The following WDR49 variants were observed in gnomAD, a reference collection of about 807,000 sequenced individuals.
WDR49 encodes the protein cilia- and flagella-associated protein 337.
In WDR49, 107 loss-of-function variants were observed where a neutral mutation model predicts 119.5. The ratio of observed to expected loss-of-function variants is 0.90; its 90% CI spans 0.77 to 1.05. WDR49 has a LOEUF of 1.05. Among genes scored for constraint, WDR49 ranks in the 50% least tolerant of loss-of-function variants. The pLI is 0.00. For synonymous variants in WDR49, 425 were observed against 418.8 expected, an observed-to-expected ratio of 1.01 and a Z score of -0.18; for missense variants, 1,240 against 1,220.5, an observed-to-expected ratio of 1.02 and a Z score of -0.24.
chr3:167,642,552 T>G (rs1717930780), intron 2 of WDR49, among the ~76,000 whole-genome samples: 2 of 151,966 alleles, frequency 1.3e-5, no homozygotes, highest in South Asian at 4.1e-4. Flanking sequence ...TTTAAAAATA[T>G]GTATAGATCA....
upstream of WDR49, among the ~76,000 whole-genome samples, chr3:167,656,181 T>C (rs888670113): frequency 4.6e-5 from 7 of 152,170 alleles, no homozygotes; most frequent in Admixed American, 6.5e-5. Flanking sequence ...AACGGGGGTG[T>C]ATTTACCAGA....
intron 8 of WDR49, among the ~76,000 whole-genome samples, chr3:167,570,856 T>C (rs1713896521): frequency 6.6e-6 from 1 of 151,938 alleles, no homozygotes; most frequent in South Asian, 2.1e-4. Context: ...ACCAACATGG[T>C]GAAACCATGT....
chr3:167,577,798 C>T (rs1310003406), intron 7 of WDR49, among the ~76,000 whole-genome samples: 1 of 151,984 alleles, frequency 6.6e-6, no homozygotes, highest in Admixed American at 6.6e-5. Flanking sequence ...GTCCTTATTG[C>T]CCCATAAGGC....
Position 167,621,568 on chromosome 3 carries a change from T to C in WDR49, c.682A>G (p.Lys228Glu), listed in dbSNP as rs563453481. 1 of 1,535,572 alleles carries C rather than the reference T, an allele frequency of 6.5e-7. No homozygotes were observed. The highest frequency in any genetic ancestry group is 8.7e-7 in the Non-Finnish European group (1 of 1,146,470). Reference sequence around the variant, plus strand: ...GGTGTTCCTTTCAGGCCTTGGAGTTTGTATTGGCAAGCAAATTCTTCTTTG... The same window carrying C: ...GGTGTTCCTTTCAGGCCTTGGAGTTCGTATTGGCAAGCAAATTCTTCTTTG... The part of the protein sequence containing the change: ...LSKEEFACQY[K>E]LQGLKGTPIC... The change falls in exon 4 of 19, where the codon AAA (lysine) becomes GAA (glutamate). Residue 228 changes from lysine to glutamate, a missense_variant. Coordinates refer to ENST00000682715, the MANE Select transcript of WDR49 (RefSeq NM_001366157.1).
intron 2 of WDR49, among the ~76,000 whole-genome samples, chr3:167,627,903 A>T (rs977605967): frequency 2.0e-5 from 3 of 152,094 alleles, no homozygotes; most frequent in Non-Finnish European, 2.9e-5. Context: ...CAAGTCTATC[A>T]GTGCCATTTT....
chr3:167,645,808 C>T (rs1718094928), intron 2 of WDR49, among the ~76,000 whole-genome samples: 1 of 152,124 alleles, frequency 6.6e-6, no homozygotes, highest in African/African-American at 2.4e-5. Flanking sequence ...TCTCTCATAG[C>T]CTGCCTGGGA....
intron 16 of WDR49, among the ~76,000 whole-genome samples, chr3:167,520,409 C>G (rs557782941): frequency 6.6e-6 from 1 of 152,104 alleles, no homozygotes; most frequent in Non-Finnish European, 1.5e-5. Flanking sequence ...CCTAAGGTAA[C>G]TTTATTTCTT....
chr3:167,521,454 G>A (rs555525627), intron 16 of WDR49, among the ~76,000 whole-genome samples: 1 of 152,302 alleles, frequency 6.6e-6, no homozygotes, highest in African/African-American at 2.4e-5. Context: ...TGACTACTGA[G>A]TTAAAGGGAA....
chr3:167,560,379 T>C, intron 8 of WDR49, 151 bp from the exon 9 acceptor site: 2 of 778,410 alleles, frequency 2.6e-6, no homozygotes, highest in Admixed American at 6.0e-5. Context: ...TCTATTAAGC[T>C]GATAACATTT....
rs1431232825 is a variant in WDR49, at chr3:167,522,349, G to A, written c.2740C>T (p.Leu914Phe). Reference protein sequence around the residue: ...SCLDPTEHSLLNKKNKDDSTY... With the variant: ...SCLDPTEHSLFNKKNKDDSTY... ...GAGTCATCTTTGTTTTTCTTATTAA[G>A]TAGAGAATGTTCTGTTGGGTCTAAA... The change falls in exon 16 of 19, where the codon CTT (leucine) becomes TTT (phenylalanine). Residue 914 changes from leucine (L) to phenylalanine (F), a missense_variant. Physicochemically the swap from Leu to Phe is conservative, Grantham distance 22. Coordinates refer to ENST00000682715, the MANE Select transcript of WDR49 (RefSeq NM_001366157.1). 2 of 1,592,876 alleles carry A rather than the reference G, an allele frequency of 1.3e-6. No individual in the cohort carries two copies. Among genetic ancestry groups the A allele is most frequent in the Admixed American group, 3.8e-5 (2 of 53,314 alleles).
At chr3:167,643,897 T>C (rs1717996590) in intron 2 of WDR49, among the ~76,000 whole-genome samples, 1 of 151,990 alleles carries the variant, frequency 6.6e-6, no homozygotes, top group Admixed American at 6.6e-5. Flanking sequence ...TATAGAATAA[T>C]AATGTATAAA....
chr3:167,519,087 G>A (rs1219806979), intron 16 of WDR49, among the ~76,000 whole-genome samples: 6 of 152,040 alleles, frequency 3.9e-5, no homozygotes, highest in Non-Finnish European at 1.5e-5. Context: ...ACCATCTCAT[G>A]CCAGTCACAA....
At chr3:167,578,722 T>C (rs1448080672) in intron 7 of WDR49, among the ~76,000 whole-genome samples, 4 of 152,176 alleles carry the variant, frequency 2.6e-5, no homozygotes, top group African/African-American at 9.6e-5. Context: ...TCCAGTGTGT[T>C]CTAATCATTA....
chr3:167,532,841 G>T, intron 12 of WDR49, 38 bp downstream of exon 12: 1 of 1,495,962 alleles, frequency 6.7e-7, no homozygotes, highest in South Asian at 1.2e-5. Context: ...ACTGTGATTT[G>T]ACTAGCCATG....
intron 11 of WDR49, among the ~76,000 whole-genome samples, 169 bp downstream of exon 11, chr3:167,536,701 A>C (rs1381677415): frequency 8.3e-6 from 1 of 120,658 alleles, no homozygotes; most frequent in African/African-American, 3.7e-5. Context: ...ATATATATAT[A>C]TATACACACA....
At chr3:167,657,717 C>T (rs937003677), upstream of WDR49, among the ~76,000 whole-genome samples, 6 of 152,174 alleles carry the variant, frequency 3.9e-5, no homozygotes, top group East Asian at 3.8e-4. Flanking sequence ...ACCTCATTTC[C>T]GGCCCAGCCT....
intron 16 of WDR49, among the ~76,000 whole-genome samples, chr3:167,511,843 C>G (rs991095888): frequency 1.3e-5 from 2 of 152,190 alleles, no homozygotes; most frequent in African/African-American, 2.4e-5. Flanking sequence ...TGTGGCAGAT[C>G]GTGGCCAACT....
Position 167,547,553 on chromosome 3 carries a change from G to A in WDR49, c.1823+7097C>T, listed in dbSNP as rs1251004924. ...TCTCACCAGCCCTATTTAACATTGT[G>A]CAAAAATCTTTACAATTTCAAAGAA... On this transcript the variant is annotated intron_variant, in intron 10 of 18. Coordinates refer to ENST00000682715, the MANE Select transcript of WDR49 (RefSeq NM_001366157.1). Among the ~76,000 whole-genome samples, 5 of 151,210 alleles carry A rather than the reference G, an allele frequency of 3.3e-5. No individual in the cohort carries two copies. The East Asian group carries it at 9.7e-4, about 29-fold the overall frequency.
Position 167,576,023 on chromosome 3 carries a change from A to G in WDR49, c.1404T>C (p.Phe468=). ...DEAHGRLFIS[F]NNQLALLAMK... is the part of the protein sequence containing the mutation. The stretch of plus-strand genomic sequence containing the variant: ...TTGCCAACAATGCTAGCTGGTTATT[A>G]AACGAGATGAAAAGTCGTCCATGGG... Residue 468 remains phenylalanine (F), a synonymous_variant, in exon 8 of 19, where the codon TTT becomes TTC. Coordinates refer to ENST00000682715, the MANE Select transcript of WDR49 (RefSeq NM_001366157.1). The G allele has an allele frequency of 5.0e-6, 8 of 1,614,166 alleles. No homozygotes were observed. Among genetic ancestry groups the G allele is most frequent in the Non-Finnish European group, 6.8e-6 (8 of 1,180,026 alleles).
Sources: gnomAD v4.1 joint callset for allele counts (sites outside exome capture counted in the v4.1 genomes callset) on GRCh38, gnomAD v4.1.1 for gene constraint, MANE v1.5 for transcripts, NCBI Gene and HGNC (gene_info 2026-07-23, HGNC 2026-07-21) for gene names.